Variants in HPSE2 observed in about 807,000 individuals in gnomAD.
HPSE2 encodes heparanase 2 (inactive).
Under a neutral mutation model 60.5 loss-of-function variants are expected in HPSE2, and 38 were observed. The ratio of observed to expected loss-of-function variants is 0.63; its 90% CI spans 0.48 to 0.82. The LOEUF is 0.82. HPSE2 is among the 40% of genes least tolerant of loss of function. The probability of loss-of-function intolerance (pLI) is 0.00; values close to 1 mark genes in which losing one functional copy is unlikely to be tolerated. For missense variants in HPSE2, 713 were observed against 740.4 expected (o/e 0.96, Z 0.43); for synonymous variants, 295 against 293.2 (o/e 1.01, Z -0.06).
At chr10:98,648,587 T>C (rs72840529) in intron 6 of HPSE2, among the ~76,000 whole-genome samples, 1,538 of 152,022 alleles carry the variant, frequency 0.01, 13 homozygotes, top group South Asian at 0.027. Flanking sequence ...TGAGACCAGC[T>C]TGGGCAACAT....
intron 2 of HPSE2, among the ~76,000 whole-genome samples, chr10:99,150,681 T>C (rs1039915538): frequency 1.3e-5 from 2 of 152,180 alleles, no homozygotes; most frequent in Non-Finnish European, 2.9e-5. Flanking sequence ...GAGCTACATA[T>C]GCTTTCCATG....
Position 98,458,648 on chromosome 10 carries a change from A to G in HPSE2, c.*926T>C, listed in dbSNP as rs1036939180. ...AAGGGCTTACCCTATAGAGCCCCTAATATTCTCTTAATTTTGGAGAGGTCT... is the reference window on the plus strand; with the variant it reads ...AAGGGCTTACCCTATAGAGCCCCTAGTATTCTCTTAATTTTGGAGAGGTCT... On this transcript the variant is annotated 3_prime_UTR_variant, in exon 12 of 12. Coordinates refer to ENST00000370552, the MANE Select transcript of HPSE2 (RefSeq NM_021828.5). The G allele has an allele frequency of 6.6e-6, 1 of 152,198 alleles. No individual in the cohort carries two copies. Among genetic ancestry groups the G allele is most frequent in the African/African-American group, 2.4e-5 (1 of 41,434 alleles). The allele number at this position is 152,198 out of a possible 1,614,324, so 9.4% of individuals were successfully genotyped here.
chr10:99,138,566 A>G (rs938113068), intron 3 of HPSE2, among the ~76,000 whole-genome samples: 1 of 152,230 alleles, frequency 6.6e-6, no homozygotes, highest in African/African-American at 2.4e-5. Flanking sequence ...CAGCCATAAA[A>G]AAAGGATGAG....
intron 3 of HPSE2, among the ~76,000 whole-genome samples, chr10:98,983,510 A>C (rs1956258011): frequency 6.6e-6 from 1 of 152,190 alleles, no homozygotes; most frequent in African/African-American, 2.4e-5. Context: ...AAATTGTCTC[A>C]AACTTATTTT....
chr10:99,233,434 G>A (rs1229121422), intron 1 of HPSE2, among the ~76,000 whole-genome samples: 1 of 152,144 alleles, frequency 6.6e-6, no homozygotes. Context: ...CAAAACAATA[G>A]CATTTGCATC....
At chr10:98,532,323 C>A (rs680488) in intron 9 of HPSE2, among the ~76,000 whole-genome samples, 7,663 of 152,248 alleles carry the variant, frequency 0.05, 213 homozygotes, top group South Asian at 0.088. Flanking sequence ...GCACAGAAAT[C>A]TTGAAATGCC....
At chr10:98,631,921 G>A (rs1202336059) in intron 7 of HPSE2, among the ~76,000 whole-genome samples, 1 of 152,024 alleles carries the variant, frequency 6.6e-6, no homozygotes, top group African/African-American at 2.4e-5. Flanking sequence ...CTCACTTCCA[G>A]GACACCCACC....
chr10:98,659,472 C>A (rs531849453), intron 6 of HPSE2, among the ~76,000 whole-genome samples: 105 of 152,226 alleles, frequency 6.9e-4, no homozygotes, highest in African/African-American at 2.2e-3. Context: ...TTTTGAAGTT[C>A]GTTCACATTG....
chr10:98,539,531 A>G (rs993247870), intron 9 of HPSE2, among the ~76,000 whole-genome samples: 2 of 152,060 alleles, frequency 1.3e-5, no homozygotes, highest in African/African-American at 4.8e-5. Context: ...AAACAAACAA[A>G]CAAACAAACA....
At chr10:98,542,364 C>G (rs989565153) in intron 9 of HPSE2, among the ~76,000 whole-genome samples, 43 of 152,056 alleles carry the variant, frequency 2.8e-4, no homozygotes, top group Non-Finnish European at 4.0e-4. Context: ...TAGATAAAAC[C>G]ACAAAGATGG....
At chr10:98,998,006 T>C (rs565055493) in intron 3 of HPSE2, among the ~76,000 whole-genome samples, 107 of 152,330 alleles carry the variant, frequency 7.0e-4, no homozygotes, top group African/African-American at 2.5e-3. Context: ...ACCTTTTCCT[T>C]CCATTGGTGG....
intron 9 of HPSE2, among the ~76,000 whole-genome samples, chr10:98,610,793 G>A (rs1367426195): frequency 1.3e-5 from 2 of 152,172 alleles, no homozygotes; most frequent in South Asian, 2.1e-4. Flanking sequence ...AGACACAACC[G>A]AGGTGTCCAT....
intron 3 of HPSE2, among the ~76,000 whole-genome samples, chr10:98,878,009 A>T (rs1952922935): frequency 6.6e-6 from 1 of 152,106 alleles, no homozygotes; most frequent in South Asian, 2.1e-4. Flanking sequence ...GCTAATATAG[A>T]GTAATTCCAA....
intron 3 of HPSE2, among the ~76,000 whole-genome samples, chr10:98,951,028 T>C (rs546302036): frequency 3.3e-5 from 5 of 152,260 alleles, no homozygotes; most frequent in African/African-American, 1.2e-4. Context: ...GGCCTGTAAG[T>C]ACAAGTGACA....
chr10:98,684,820 CA>C (rs1182489329), intron 6 of HPSE2, among the ~76,000 whole-genome samples: 6 of 150,578 alleles, frequency 4.0e-5, no homozygotes, highest in Non-Finnish European at 8.9e-5. Flanking sequence ...AGCTCATTAC[CA>C]AAAAAAAGGA....
intron 3 of HPSE2, among the ~76,000 whole-genome samples, chr10:98,998,404 A>T (rs1956698107): frequency 6.6e-6 from 1 of 152,220 alleles, no homozygotes; most frequent in Non-Finnish European, 1.5e-5. Context: ...CTAGAAGAGA[A>T]TTCTAGATGT....
chr10:99,218,004 G>A (rs1849191859), intron 2 of HPSE2, among the ~76,000 whole-genome samples: 2 of 152,112 alleles, frequency 1.3e-5, no homozygotes, highest in South Asian at 2.1e-4. Flanking sequence ...CCTCGTTGGG[G>A]TGTGAAGACC....
intron 3 of HPSE2, among the ~76,000 whole-genome samples, chr10:99,039,525 A>G (rs1957687955): frequency 1.3e-5 from 2 of 149,776 alleles, no homozygotes; most frequent in Admixed American, 1.3e-4. Flanking sequence ...ATATGTGTGT[A>G]TATTATATAT....
chr10:98,789,278 G>C lies in HPSE2; in HGVS notation c.611-45222C>G, dbSNP rs559589455. ...CGGGGAACTGTGAATGCTAGTATGA[G>C]AGATCCAGAGACACATGCTTGGGAC... On this transcript the variant is annotated intron_variant, in intron 3 of 11. Coordinates refer to ENST00000370552, the MANE Select transcript of HPSE2 (RefSeq NM_021828.5). Among the ~76,000 whole-genome samples the C allele has an allele frequency of 7.9e-4, 121 of 152,358 alleles. 1 individual carries two copies. Among genetic ancestry groups the C allele is most frequent in the African/African-American group, 2.8e-3 (115 of 41,596 alleles).
Sources: allele counts gnomAD v4.1 joint callset (sites outside exome capture counted in the v4.1 genomes callset), GRCh38; gene constraint gnomAD v4.1.1; transcripts MANE v1.5; gene names NCBI Gene and HGNC (gene_info 2026-07-23, HGNC 2026-07-21).